The following WIF1 variants were observed in gnomAD, a reference collection of about 807,000 sequenced individuals.
WIF1 encodes Wnt inhibitory factor 1.
Under a neutral mutation model 53.5 loss-of-function variants are expected in WIF1, and 35 were observed. The ratio of observed to expected loss-of-function variants is 0.65; its 90% CI spans 0.50 to 0.87. The LOEUF is 0.87. WIF1 is among the 40% of genes least tolerant of loss of function. The pLI is 0.00. For synonymous variants in WIF1, 171 were observed against 170.4 expected, an observed-to-expected ratio of 1.00 and a Z score of -0.03; for missense variants, 467 against 476.8, an observed-to-expected ratio of 0.98 and a Z score of 0.19.
chr12:65,058,684 T>A (rs1882566185), intron 7 of WIF1, among the ~76,000 whole-genome samples: 1 of 152,228 alleles, frequency 6.6e-6, no homozygotes, highest in Admixed American at 6.5e-5. Flanking sequence ...GAAAATAGTT[T>A]GCAACCAAAT....
At chr12:65,106,383 AT>A (rs1323671630) in intron 2 of WIF1, among the ~76,000 whole-genome samples, 1 of 111,422 alleles carries the variant, frequency 9.0e-6, no homozygotes. Context: ...ATTTTTTTTT[AT>A]TTTTTTTGTT....
chr12:65,093,090 A>T (rs1883149990), intron 2 of WIF1, among the ~76,000 whole-genome samples: 1 of 152,208 alleles, frequency 6.6e-6, no homozygotes, highest in Non-Finnish European at 1.5e-5. Context: ...AATTACTGGC[A>T]TGAGAATAAT....
chr12:65,080,681 C>G (rs1882935397), intron 2 of WIF1, among the ~76,000 whole-genome samples: 1 of 152,096 alleles, frequency 6.6e-6, no homozygotes, highest in African/African-American at 2.4e-5. Context: ...ATTTCTATTA[C>G]TAAGTACAGT....
chr12:65,102,117 T>C (rs1883290751), intron 2 of WIF1, among the ~76,000 whole-genome samples: 1 of 152,248 alleles, frequency 6.6e-6, no homozygotes, highest in Admixed American at 6.5e-5. Context: ...CTCAAGAGTT[T>C]AGTTGATCAA....
intron 2 of WIF1, among the ~76,000 whole-genome samples, chr12:65,084,311 C>T (rs989835736): frequency 6.6e-6 from 1 of 152,142 alleles, no homozygotes; most frequent in Non-Finnish European, 1.5e-5. Flanking sequence ...TGCCATGTTA[C>T]AATCCTTTCC....
intron 7 of WIF1, among the ~76,000 whole-genome samples, chr12:65,060,830 C>G (rs1882600629): frequency 6.6e-6 from 1 of 152,170 alleles, no homozygotes; most frequent in South Asian, 2.1e-4. Flanking sequence ...AAACAGGAAA[C>G]TTCCGCAAAG....
intron 3 of WIF1, among the ~76,000 whole-genome samples, chr12:65,071,187 T>C (rs551654506): frequency 4.9e-5 from 6 of 121,902 alleles, no homozygotes; most frequent in South Asian, 2.4e-4. Context: ...TGAGCCAAGA[T>C]AGAGCCACTG....
intron 2 of WIF1, among the ~76,000 whole-genome samples, chr12:65,081,637 G>C (rs1423136338): frequency 1.3e-5 from 2 of 152,118 alleles, no homozygotes; most frequent in African/African-American, 2.4e-5. Context: ...TAATAAGACT[G>C]TTCATAAGGC....
chr12:65,108,056 A>G (rs1392292462), intron 2 of WIF1, among the ~76,000 whole-genome samples: 1 of 152,128 alleles, frequency 6.6e-6, no homozygotes, highest in Non-Finnish European at 1.5e-5. Context: ...TATGCAGATA[A>G]TTCACTCCTC....
intron 3 of WIF1, 121 bp downstream of exon 3, chr12:65,077,625 T>A (rs1882883860): frequency 1.4e-6 from 1 of 707,176 alleles, no homozygotes; most frequent in Non-Finnish European, 2.4e-6. Context: ...TGTCCTAAAA[T>A]CAACAGATGT....
At chr12:65,103,615 G>A (rs1883311856) in intron 2 of WIF1, among the ~76,000 whole-genome samples, 1 of 152,198 alleles carries the variant, frequency 6.6e-6, no homozygotes, top group Non-Finnish European at 1.5e-5. Context: ...TCTTGAATAT[G>A]ATGATTTGAT....
At chr12:65,069,269 A>G (rs141018819) in intron 3 of WIF1, among the ~76,000 whole-genome samples, 5 of 152,344 alleles carry the variant, frequency 3.3e-5, no homozygotes, top group Admixed American at 1.3e-4. Context: ...GGAAGAACAG[A>G]AAGACAAACG....
intron 8 of WIF1, among the ~76,000 whole-genome samples, chr12:65,055,621 G>A (rs1388452851): frequency 6.6e-6 from 1 of 152,066 alleles, no homozygotes; most frequent in Admixed American, 6.5e-5. Context: ...AAAAAAATAC[G>A]AAGATTGGCC....
At chr12:65,057,239 C>A (rs888704118) in intron 7 of WIF1, among the ~76,000 whole-genome samples, 1 of 152,190 alleles carries the variant, frequency 6.6e-6, no homozygotes, top group African/African-American at 2.4e-5. Flanking sequence ...AGATGTGACA[C>A]AAAAGGTGCC....
At chr12:65,081,198 A>G (rs1034828820) in intron 2 of WIF1, among the ~76,000 whole-genome samples, 1 of 152,042 alleles carries the variant, frequency 6.6e-6, no homozygotes, top group Non-Finnish European at 1.5e-5. Flanking sequence ...TAATTCTCTG[A>G]TCATAGATAA....
In WIF1 at chr12:65,121,034, G is replaced by A. The variant is rs1164701106; in HGVS notation, c.148+10C>T. On this transcript the variant is annotated intron_variant, in intron 1 of 9. Coordinates refer to ENST00000286574, the MANE Select transcript of WIF1 (RefSeq NM_007191.5). ...TAGGCAGGGGAAGGCGCTGGAGGCG[G>A]GGGCCTTACCTATGAGTACTCTTGC... The A allele has an allele frequency of 4.8e-6, 7 of 1,455,276 alleles. No homozygotes were observed. In the Admixed American group the frequency reaches 1.2e-4, roughly 25 times the overall value. 90.1% of individuals were successfully genotyped at this position (1,455,276 alleles called of 1,614,324 possible). A position where few individuals can be genotyped will look rare whatever the true frequency, so the allele number is the denominator to read the frequency against.
chr12:65,107,044 A>T (rs1446515149), intron 2 of WIF1, among the ~76,000 whole-genome samples: 1 of 152,228 alleles, frequency 6.6e-6, no homozygotes, highest in African/African-American at 2.4e-5. Context: ...TATAGTAATG[A>T]GCTATTGAAA....
At chr12:65,090,369 G>A (rs1565756423) in intron 2 of WIF1, among the ~76,000 whole-genome samples, 1 of 152,178 alleles carries the variant, frequency 6.6e-6, no homozygotes, top group African/African-American at 2.4e-5. Context: ...TGTATGGAGT[G>A]TGCCAGGCAT....
At chr12:65,090,849 A>G (rs1883111501) in intron 2 of WIF1, among the ~76,000 whole-genome samples, 1 of 152,138 alleles carries the variant, frequency 6.6e-6, no homozygotes, top group Non-Finnish European at 1.5e-5. Context: ...AAAGTCCTTT[A>G]TTGGTGCAGT....
Sources: gnomAD v4.1 joint callset for allele counts (sites outside exome capture counted in the v4.1 genomes callset) on GRCh38, gnomAD v4.1.1 for gene constraint, MANE v1.5 for transcripts, NCBI Gene and HGNC (gene_info 2026-07-23, HGNC 2026-07-21) for gene names.